The following OSBP2 variants were observed in gnomAD, a reference collection of about 807,000 sequenced individuals.
The protein encoded by OSBP2 is oxysterol-binding protein 2.
A neutral mutation model predicts 96.0 loss-of-function variants in OSBP2; 66 were observed. The ratio of observed to expected loss-of-function variants is 0.69; its 90% CI spans 0.56 to 0.84. OSBP2 has a LOEUF of 0.84. Among genes scored for constraint, OSBP2 ranks in the 40% least tolerant of loss-of-function variants. OSBP2 has a pLI of 0.00. For synonymous variants in OSBP2, 525 were observed against 520.9 expected (o/e 1.01, Z -0.11); for missense variants, 1,038 against 1,222.7 (o/e 0.85, Z 2.25).
intron 2 of OSBP2, among the ~76,000 whole-genome samples, chr22:30,783,128 A>G (rs1315536990): frequency 7.1e-6 from 1 of 140,724 alleles, no homozygotes; most frequent in Non-Finnish European, 1.5e-5. Context: ...GGAGAATCAC[A>G]GGGCAATTGC....
chr22:30,732,417 A>G (rs1323109559), intron 1 of OSBP2, among the ~76,000 whole-genome samples: 1 of 152,104 alleles, frequency 6.6e-6, no homozygotes, highest in Non-Finnish European at 1.5e-5. Flanking sequence ...TCCTCATGGC[A>G]ATTAGGATCA....
intron 8 of OSBP2, among the ~76,000 whole-genome samples, chr22:30,892,824 T>C (rs1178604709): frequency 2.6e-5 from 4 of 152,156 alleles, no homozygotes; most frequent in Non-Finnish European, 5.9e-5. Flanking sequence ...TTATCAGCCC[T>C]CAGTGCACCT....
intron 1 of OSBP2, among the ~76,000 whole-genome samples, chr22:30,729,614 G>A (rs2089712102): frequency 6.6e-6 from 1 of 152,030 alleles, no homozygotes; most frequent in African/African-American, 2.4e-5. Flanking sequence ...CTCCAGCCTG[G>A]GTGACAGAGA....
At chr22:30,822,577 G>C in intron 2 of OSBP2, 1 of 1,516,634 alleles carries the variant, frequency 6.6e-7, no homozygotes, top group South Asian at 1.2e-5. Flanking sequence ...GCAAGCCCCC[G>C]GGACCCGGCG....
chr22:30,790,919 A>G (rs2145825270), intron 2 of OSBP2, among the ~76,000 whole-genome samples: 1 of 152,314 alleles, frequency 6.6e-6, no homozygotes, highest in East Asian at 1.9e-4. Context: ...GGATTTGGAC[A>G]GTCAAGGCCA....
chr22:30,897,962 A>G (rs2040103181), intron 12 of OSBP2, among the ~76,000 whole-genome samples: 1 of 152,028 alleles, frequency 6.6e-6, no homozygotes, highest in African/African-American at 2.4e-5. Flanking sequence ...GAAAAAAAAA[A>G]AAAAAAAGAT....
intron 2 of OSBP2, among the ~76,000 whole-genome samples, chr22:30,756,381 G>A (rs755107000): frequency 6.6e-6 from 1 of 152,114 alleles, no homozygotes; most frequent in Non-Finnish European, 1.5e-5. Flanking sequence ...CCCACAAAGT[G>A]TATGTAATGA....
At chr22:30,785,269 T>C (rs920806085) in intron 2 of OSBP2, among the ~76,000 whole-genome samples, 3 of 152,170 alleles carry the variant, frequency 2.0e-5, no homozygotes, top group African/African-American at 4.8e-5. Flanking sequence ...CTTGCACCCA[T>C]TAATGCTTAA....
intron 12 of OSBP2, among the ~76,000 whole-genome samples, chr22:30,901,816 A>T (rs2040202057): frequency 6.6e-6 from 1 of 152,154 alleles, no homozygotes; most frequent in Admixed American, 6.5e-5. Flanking sequence ...AGTGTCCGAG[A>T]TGGTGCCACT....
At chr22:30,715,438 A>G (rs2089434553) in intron 1 of OSBP2, among the ~76,000 whole-genome samples, 1 of 148,894 alleles carries the variant, frequency 6.7e-6, no homozygotes, top group African/African-American at 2.5e-5. Flanking sequence ...GTGTAGTGGC[A>G]TGATCATGGC....
At chr22:30,793,123 C>A (rs1259229987) in intron 2 of OSBP2, among the ~76,000 whole-genome samples, 1 of 152,234 alleles carries the variant, frequency 6.6e-6, no homozygotes, top group African/African-American at 2.4e-5. Flanking sequence ...GGTGCGGTGG[C>A]TCACGCCTGT....
chr22:30,754,098 T>G (rs2090112219), intron 2 of OSBP2, among the ~76,000 whole-genome samples: 1 of 152,152 alleles, frequency 6.6e-6, no homozygotes, highest in Non-Finnish European at 1.5e-5. Context: ...CTCTGAGTCT[T>G]TCTTTCTGCT....
chr22:30,745,157 G>A (rs558723162), intron 2 of OSBP2, among the ~76,000 whole-genome samples: 2 of 152,066 alleles, frequency 1.3e-5, no homozygotes, highest in East Asian at 1.9e-4. Context: ...TTTGGAATAC[G>A]CAAAAGCAGT....
chr22:30,893,591 G>A, intron 10 of OSBP2, 25 bp downstream of exon 10: 3 of 1,612,934 alleles, frequency 1.9e-6, no homozygotes, highest in South Asian at 1.1e-5. Context: ...TGGGGAGGGG[G>A]TGCATGGCCC....
In OSBP2 at chr22:30,887,726, G is replaced by A. The variant is rs973356522; in HGVS notation, c.1300+108G>A. ...ACATCCCTGGCTGTGCCCACATGTGGGCTGGCCTTGGCCAACTCTTGACTG... is the reference window on the plus strand; with the variant it reads ...ACATCCCTGGCTGTGCCCACATGTGAGCTGGCCTTGGCCAACTCTTGACTG... On this transcript the variant is annotated intron_variant, in intron 4 of 13. Transcript: ENST00000332585. 1.5e-5 allele frequency: 14 copies of A among 947,196 alleles called. No individual in the cohort carries two copies. The African/African-American group carries it at 2.3e-4, about 16-fold the overall frequency. 58.7% of individuals were successfully genotyped at this position (947,196 alleles called of 1,614,324 possible).
At chr22:30,818,993 G>C (rs1468494682) in intron 2 of OSBP2, among the ~76,000 whole-genome samples, 2 of 152,198 alleles carry the variant, frequency 1.3e-5, no homozygotes, top group South Asian at 2.1e-4. Context: ...CTTGGTTTTA[G>C]GACGTCACAA....
chr22:30,822,507 G>A, intron 2 of OSBP2: 3 of 1,128,718 alleles, frequency 2.7e-6, no homozygotes, highest in Non-Finnish European at 3.4e-6. Context: ...ACGCGGCGCC[G>A]GGACCCACGA....
chr22:30,718,002 G>T (rs931425139), intron 1 of OSBP2, among the ~76,000 whole-genome samples: 1 of 152,170 alleles, frequency 6.6e-6, no homozygotes, highest in African/African-American at 2.4e-5. Flanking sequence ...TTGAGGGTCC[G>T]CAGATGACCA....
At chr22:30,804,660 A>G (rs757279703) in intron 2 of OSBP2, among the ~76,000 whole-genome samples, 8 of 152,236 alleles carry the variant, frequency 5.3e-5, no homozygotes, top group Admixed American at 2.0e-4. Flanking sequence ...GTAAGGGAAA[A>G]GTATAATAAC....
Sources: gnomAD v4.1 joint callset for allele counts (sites outside exome capture counted in the v4.1 genomes callset) on GRCh38, gnomAD v4.1.1 for gene constraint, MANE v1.5 for transcripts, NCBI Gene and HGNC (gene_info 2026-07-23, HGNC 2026-07-21) for gene names.